The following CERS3 variants were observed in gnomAD, a reference collection of about 807,000 sequenced individuals.
The protein encoded by CERS3 is LAG1 homolog, ceramide synthase 3.
A neutral mutation model predicts 50.3 loss-of-function variants in CERS3; 33 were observed. That is an observed-to-expected ratio of 0.66 (90% CI 0.50 to 0.88). The LOEUF is 0.88. Among genes scored for constraint, CERS3 ranks in the 40% least tolerant of loss-of-function variants. The pLI is 0.00. For missense variants in CERS3, 470 were observed against 460.3 expected, an observed-to-expected ratio of 1.02 and a Z score of -0.19; for synonymous variants, 176 against 155.2, an observed-to-expected ratio of 1.13 and a Z score of -0.99.
At chr15:100,476,327 G>T in intron 7 of CERS3, 149 bp from the exon 8 acceptor site, 1 of 449,538 alleles carries the variant, frequency 2.2e-6, no homozygotes. Flanking sequence ...TTTCAACGAA[G>T]GAATTAAAGA....
chr15:100,491,898 T>C (rs1162384940), intron 3 of CERS3, among the ~76,000 whole-genome samples: 1 of 152,050 alleles, frequency 6.6e-6, no homozygotes, highest in Non-Finnish European at 1.5e-5. Context: ...GATTTCTTTT[T>C]TTTTTTTTAA....
At chr15:100,501,967 C>A in intron 2 of CERS3, 117 bp from the exon 3 acceptor site, 4 of 1,073,708 alleles carry the variant, frequency 3.7e-6, no homozygotes, top group Non-Finnish European at 5.4e-6. Context: ...AGGCAAGAGG[C>A]CTAGCGCAGT....
chr15:100,515,692 G>A (rs1054710497), intron 2 of CERS3, among the ~76,000 whole-genome samples: 1 of 152,150 alleles, frequency 6.6e-6, no homozygotes, highest in African/African-American at 2.4e-5. Flanking sequence ...CCAAGGTGAT[G>A]GGGAGGAACA....
At chr15:100,483,509 T>C (rs4643297) in intron 5 of CERS3, among the ~76,000 whole-genome samples, 83,436 of 151,920 alleles carry the variant, frequency 0.55, 23,964 homozygotes, top group Admixed American at 0.62. Flanking sequence ...AGAATTTTAG[T>C]AGGCTTACTG....
intron 2 of CERS3, among the ~76,000 whole-genome samples, chr15:100,520,143 C>T (rs1469478876): frequency 6.6e-6 from 1 of 152,196 alleles, no homozygotes; most frequent in African/African-American, 2.4e-5. Context: ...AGTGACAGCA[C>T]AGCATAATGC....
At chr15:100,494,102 T>C (rs1461488584) in intron 3 of CERS3, among the ~76,000 whole-genome samples, 3 of 151,166 alleles carry the variant, frequency 2.0e-5, no homozygotes, top group Non-Finnish European at 4.4e-5. Context: ...ACATGTTAAA[T>C]ACTATAAGGT....
intron 11 of CERS3, among the ~76,000 whole-genome samples, chr15:100,410,293 C>G (rs531872055): frequency 2.0e-4 from 30 of 152,196 alleles, no homozygotes; most frequent in Non-Finnish European, 4.3e-4. Flanking sequence ...ATGGAACCCT[C>G]ACATCACTCA....
intron 2 of CERS3, among the ~76,000 whole-genome samples, chr15:100,520,963 C>T (rs1301142312): frequency 2.6e-5 from 4 of 152,178 alleles, no homozygotes; most frequent in Admixed American, 2.0e-4. Context: ...TTATAACGAA[C>T]AACTGTACAT....
chr15:100,413,296 C>A lies in CERS3; in HGVS notation c.1000-10431G>T, dbSNP rs144312137. On this transcript the variant is annotated intron_variant, in intron 11 of 11. Transcript: ENST00000679737. ...AAATTCTCTGGGATTTTAAGTAAAG[C>A]AACATTCAAGGAATAATCATAGCAA... 4.4e-3 allele frequency among the ~76,000 whole-genome samples: 663 copies of A among 152,148 alleles called. 5 individuals are homozygous for A. The highest frequency in any genetic ancestry group is 0.015 in the African/African-American group (605 of 41,502).
intron 2 of CERS3, among the ~76,000 whole-genome samples, chr15:100,515,090 A>C (rs2036453114): frequency 6.6e-6 from 1 of 152,232 alleles, no homozygotes; most frequent in Non-Finnish European, 1.5e-5. Context: ...TCTAAATGGT[A>C]ATTTGTTTCA....
intron 5 of CERS3, among the ~76,000 whole-genome samples, chr15:100,480,624 T>C (rs1273666407): frequency 1.3e-5 from 2 of 152,206 alleles, no homozygotes; most frequent in Non-Finnish European, 2.9e-5. Flanking sequence ...ATTTAGATCC[T>C]GATTCAAATC....
Position 100,522,721 on chromosome 15 carries a change from T to C in CERS3, c.-91-965A>G, listed in dbSNP as rs534963342. Among the ~76,000 whole-genome samples the C allele has an allele frequency of 1.9e-3, 283 of 150,194 alleles. 1 individual carries two copies. Among genetic ancestry groups the C allele is most frequent in the African/African-American group, 6.6e-3 (272 of 41,078 alleles). On this transcript the variant is annotated intron_variant, in intron 1 of 11. Coordinates refer to ENST00000679737, the MANE Select transcript of CERS3 (RefSeq NM_001378789.1). ...ATCTGTGTTCCCATTCTGTTGTCGA[T>C]GGAAATATGGGTTGTTTTGAGTTTG... is the stretch of plus-strand genomic sequence containing the variant.
intron 1 of CERS3, among the ~76,000 whole-genome samples, chr15:100,536,093 C>T (rs1219638693): frequency 6.6e-5 from 8 of 120,576 alleles, no homozygotes; most frequent in East Asian, 5.0e-4. Context: ...CATATGTGCA[C>T]GGGAAGTGGG....
intron 2 of CERS3, among the ~76,000 whole-genome samples, chr15:100,518,024 C>T (rs1404404552): frequency 6.6e-6 from 1 of 152,200 alleles, no homozygotes; most frequent in Non-Finnish European, 1.5e-5. Context: ...GGTCATTCAT[C>T]TCTCTGGCCA....
chr15:100,532,790 G>C (rs778104407), upstream of CERS3, among the ~76,000 whole-genome samples: 1 of 152,166 alleles, frequency 6.6e-6, no homozygotes, highest in Non-Finnish European at 1.5e-5. Context: ...AAAAGCTCCT[G>C]TTGGATAAAA....
intron 10 of CERS3, among the ~76,000 whole-genome samples, chr15:100,460,113 A>G (rs1481332463): frequency 6.6e-6 from 1 of 152,142 alleles, no homozygotes; most frequent in Non-Finnish European, 1.5e-5. Context: ...TTTAAATCAA[A>G]TCTGTCAATT....
At chr15:100,514,119 G>C (rs1015801197) in intron 2 of CERS3, among the ~76,000 whole-genome samples, 1 of 152,162 alleles carries the variant, frequency 6.6e-6, no homozygotes, top group African/African-American at 2.4e-5. Context: ...CATGACCTCA[G>C]TTTCCCCATC....
At chr15:100,494,259 T>A (rs3084746) in intron 3 of CERS3, among the ~76,000 whole-genome samples, 5,688 of 15,872 alleles carry the variant, frequency 0.36, 1,109 homozygotes, top group East Asian at 0.52. Flanking sequence ...ATATATATAT[T>A]TGTTTTGAGA....
At chr15:100,528,185 C>T (rs1468385205) in intron 1 of CERS3, among the ~76,000 whole-genome samples, 1 of 152,214 alleles carries the variant, frequency 6.6e-6, no homozygotes, top group East Asian at 1.9e-4. Context: ...TTTTGTTTCA[C>T]TTTTCTGCAT....
Sources: allele counts gnomAD v4.1 joint callset (sites outside exome capture counted in the v4.1 genomes callset), GRCh38; gene constraint gnomAD v4.1.1; transcripts MANE v1.5; gene names NCBI Gene and HGNC (gene_info 2026-07-23, HGNC 2026-07-21).